Variants in DRC11 observed in about 807,000 individuals in gnomAD.
DRC11 encodes the protein dynein regulatory complex subunit 11, also known as IQ and AAA domain-containing protein 1.
chr2:236,380,943 G>A, the DRC11 span, among the ~76,000 whole-genome samples: 1 of 152,208 alleles, frequency 6.6e-6, no homozygotes, highest in Non-Finnish European at 1.5e-5. This position sits in a 1 kb window ranked among gnomAD's most constrained non-coding sequence, Gnocchi z 4.9. Context: ...TCCCACAAAG[G>A]ATGAGAGTGC....
chr2:236,337,992 TAG>T, the DRC11 span, among the ~76,000 whole-genome samples: 3 of 152,152 alleles, frequency 2.0e-5, no homozygotes, highest in African/African-American at 7.2e-5. This position sits in a 1 kb window ranked among gnomAD's most constrained non-coding sequence, Gnocchi z 4.9. Context: ...TTGTCTTGGG[TAG>T]AGAGATATAT....
At chr2:236,384,278 C>A in the DRC11 span, among the ~76,000 whole-genome samples, 3 of 152,160 alleles carry the variant, frequency 2.0e-5, no homozygotes, top group South Asian at 6.2e-4. Context: ...TACAGTCCCA[C>A]CAACAGTGTA....
chr2:236,500,137 C>T, the DRC11 span, among the ~76,000 whole-genome samples: 1 of 151,578 alleles, frequency 6.6e-6, no homozygotes, highest in African/African-American at 2.4e-5. The surrounding 1 kb of genome is among the most constrained non-coding windows in gnomAD (Gnocchi z 6.3). Flanking sequence ...TAACAGCTTA[C>T]ATTTATATAC....
chr2:236,310,655 C>T, the DRC11 span, among the ~76,000 whole-genome samples: 4 of 152,304 alleles, frequency 2.6e-5, no homozygotes, highest in East Asian at 3.9e-4. The surrounding 1 kb of genome is among the most constrained non-coding windows in gnomAD (Gnocchi z 5.5). Flanking sequence ...CGAAGGGCTG[C>T]GTAACAAAAG....
chr2:236,409,208 G>A, the DRC11 span: 1 of 218,716 alleles, frequency 4.6e-6, no homozygotes. Context: ...AGGCTCAGGA[G>A]ATCCTCCTGC....
At chr2:236,423,105 A>T in the DRC11 span, among the ~76,000 whole-genome samples, 1 of 151,520 alleles carries the variant, frequency 6.6e-6, no homozygotes, top group African/African-American at 2.4e-5. Context: ...ACCCTAGAAG[A>T]AAACCTAGGC....
the DRC11 span, among the ~76,000 whole-genome samples, chr2:236,502,258 G>C: frequency 6.6e-6 from 1 of 152,078 alleles, no homozygotes; most frequent in African/African-American, 2.4e-5. Context: ...CAAAATCCAA[G>C]GAAATCAGTA....
At chr2:236,377,827 G>GAA in the DRC11 span, among the ~76,000 whole-genome samples, 2 of 152,104 alleles carry the variant, frequency 1.3e-5, no homozygotes, top group African/African-American at 2.4e-5. The surrounding 1 kb of genome is among the most constrained non-coding windows in gnomAD (Gnocchi z 4.9). Context: ...TACTAATTGA[G>GAA]AAAAAAATGG....
the DRC11 span, among the ~76,000 whole-genome samples, chr2:236,353,430 T>G: frequency 6.6e-6 from 1 of 152,292 alleles, no homozygotes; most frequent in Non-Finnish European, 1.5e-5. This position sits in a 1 kb window ranked among gnomAD's most constrained non-coding sequence, Gnocchi z 5.0. Flanking sequence ...CTGTCAAACA[T>G]TCACCATCAG....
the DRC11 span, among the ~76,000 whole-genome samples, chr2:236,366,867 C>T: frequency 1.4e-4 from 20 of 142,278 alleles, no homozygotes; most frequent in South Asian, 2.8e-3. Context: ...GAGTTTCACT[C>T]TTGTCGCCCA....
the DRC11 span, among the ~76,000 whole-genome samples, chr2:236,388,995 C>G: frequency 1.3e-5 from 2 of 152,068 alleles, no homozygotes; most frequent in African/African-American, 4.8e-5. Context: ...GTCAGGGACC[C>G]ACTTGAGGAG....
the DRC11 span, among the ~76,000 whole-genome samples, chr2:236,345,664 G>A: frequency 6.6e-6 from 1 of 152,120 alleles, no homozygotes; most frequent in African/African-American, 2.4e-5. Context: ...AGCTGGGATG[G>A]GACTTACCCT....
the DRC11 span, among the ~76,000 whole-genome samples, chr2:236,346,969 A>T: frequency 6.6e-6 from 1 of 152,244 alleles, no homozygotes; most frequent in East Asian, 1.9e-4. Context: ...GCACAACTCC[A>T]GTGAACACAC....
At chr2:236,357,027 A>C in the DRC11 span, among the ~76,000 whole-genome samples, 11 of 109,378 alleles carry the variant, frequency 1.0e-4, 1 homozygote, top group Admixed American at 9.0e-4. Context: ...ATATATCTAT[A>C]TATTTATATA....
At chr2:236,434,355 T>G in the DRC11 span, among the ~76,000 whole-genome samples, 1 of 152,230 alleles carries the variant, frequency 6.6e-6, no homozygotes, top group Non-Finnish European at 1.5e-5. The surrounding 1 kb of genome is among the most constrained non-coding windows in gnomAD (Gnocchi z 5.5). Flanking sequence ...CTATTCTCTA[T>G]TCATACTATG....
chr2:236,314,592 A>G, the DRC11 span, among the ~76,000 whole-genome samples: 1 of 152,222 alleles, frequency 6.6e-6, no homozygotes, highest in Non-Finnish European at 1.5e-5. This position sits in a 1 kb window ranked among gnomAD's most constrained non-coding sequence, Gnocchi z 4.5. Flanking sequence ...AATAATTAAA[A>G]TTAGATAATA....
chr2:236,338,354 A>T, the DRC11 span: 1 of 1,613,894 alleles, frequency 6.2e-7, no homozygotes, highest in South Asian at 1.1e-5. Flanking sequence ...GATTTGGGGA[A>T]GGTGTTTTTT....
chr2:236,453,418 C>T, the DRC11 span, among the ~76,000 whole-genome samples: 4 of 152,282 alleles, frequency 2.6e-5, no homozygotes, highest in South Asian at 8.3e-4. The surrounding 1 kb of genome is among the most constrained non-coding windows in gnomAD (Gnocchi z 4.9). Context: ...CTCAAAGCAA[C>T]ACATACATGT....
chr2:236,427,239 C>A, the DRC11 span, among the ~76,000 whole-genome samples: 1 of 152,108 alleles, frequency 6.6e-6, no homozygotes, highest in Non-Finnish European at 1.5e-5. The surrounding 1 kb of genome is among the most constrained non-coding windows in gnomAD (Gnocchi z 5.9). Flanking sequence ...TTATAATTTT[C>A]TTTTCTCTCA....
Sources: allele counts gnomAD v4.1 joint callset (sites outside exome capture counted in the v4.1 genomes callset), GRCh38; gene constraint gnomAD v4.1.1; non-coding constraint Gnocchi (gnomAD v3.1); transcripts MANE v1.5; gene names NCBI Gene and HGNC (gene_info 2026-07-23, HGNC 2026-07-21).